MYOM2: variants seen among roughly 807,000 people sequenced by gnomAD.
The protein encoded by MYOM2 is myomesin-2.
A neutral mutation model predicts 187.6 loss-of-function variants in MYOM2; 254 were observed. The observed-to-expected ratio is 1.35, with a 90% confidence interval of 1.22 to 1.50. MYOM2 has a LOEUF of 1.50. MYOM2 is among the 40% of genes most tolerant of loss of function. The pLI is 0.00. For missense variants in MYOM2, 2,796 were observed against 1,924.0 expected (o/e 1.45, Z -8.48); for synonymous variants, 981 against 753.8 (o/e 1.30, Z -4.94).
In MYOM2 at chr8:2,092,527, C is replaced by A. The variant is rs762705776; in HGVS notation, c.2003+7C>A. 4 of 1,613,158 alleles carry A rather than the reference C, an allele frequency of 2.5e-6. No individual in the cohort carries two copies. Among genetic ancestry groups the A allele is most frequent in the East Asian group, 2.2e-5 (1 of 44,840 alleles). On this transcript the variant is annotated splice_region_variant and intron_variant, in intron 16 of 36. Coordinates refer to ENST00000262113, the MANE Select transcript of MYOM2 (RefSeq NM_003970.4). ...AGCCCATCGGATACAACAGGTGCGG[C>A]CTCCCTCCCCAGCCCTGGAGTCAGC...
At position 2,100,957 on chromosome 8, in the gene MYOM2, G is replaced by A; in HGVS notation, c.2522G>A (p.Ser841Asn). 1 of 1,614,202 alleles carries A rather than the reference G, an allele frequency of 6.2e-7. No homozygotes were observed. The highest frequency in any genetic ancestry group is 8.5e-7 in the Non-Finnish European group (1 of 1,180,026). The change falls in exon 20 of 37, where the codon AGC becomes AAC. Residue 841 changes from serine to asparagine, a missense_variant. Transcript: ENST00000262113. ...TGGAAGGCCCCTGTGTACTCCGGCAGCAGCCCTGTTTCTGGATATTTCGTG... is the reference window on the plus strand; with the variant it reads ...TGGAAGGCCCCTGTGTACTCCGGCAACAGCCCTGTTTCTGGATATTTCGTG... ...MLWKAPVYSG[S>N]SPVSGYFVDF...
rs138477258 is a variant in MYOM2 at position 2,078,660 on chromosome 8, T to C, written c.1263-74T>C. Reference sequence around the variant, plus strand: ...CTGTTATAATCAGTGTGTGCATATATGCATATACCTATGTATATTTAGTAG... The same window carrying C: ...CTGTTATAATCAGTGTGTGCATATACGCATATACCTATGTATATTTAGTAG... On this transcript the variant is annotated intron_variant, in intron 11 of 36. Coordinates refer to ENST00000262113, the MANE Select transcript of MYOM2 (RefSeq NM_003970.4). The C allele has an allele frequency of 9.1e-4, 1,225 of 1,347,106 alleles. 11 individuals carry two copies. The African/African-American group carries it at 0.015, about 16-fold the overall frequency. The allele number at this position is 1,347,106 out of a possible 1,614,324, so 83.4% of individuals were successfully genotyped here.
rs1418382437 is a variant in MYOM2, at chr8:2,050,776, G to T, written c.10G>T (p.Val4Leu). Residue 4 changes from valine (V) to leucine (L), a missense_variant, in exon 2 of 37, where the codon GTG becomes TTG. By Grantham distance (32) the Val-to-Leu change is conservative. Coordinates refer to ENST00000262113, the MANE Select transcript of MYOM2 (RefSeq NM_003970.4). MSL[V>L]TVPFYQKRHR... ...GTAGGAGCACGCCAAGATGTCCCTT[G>T]TGACTGTCCCCTTCTACCAGAAGAG... 6.2e-7 allele frequency: 1 copy of T among 1,611,958 alleles called. No homozygotes were observed. Among genetic ancestry groups the T allele is most frequent in the East Asian group, 2.2e-5 (1 of 44,792 alleles).
chr8:2,091,876 C>A (rs1329512552), intron 15 of MYOM2, among the ~76,000 whole-genome samples: 1 of 152,220 alleles, frequency 6.6e-6, no homozygotes, highest in African/African-American at 2.4e-5. Context: ...GTCCGCAGTC[C>A]ACTAGTGGGG....
chr8:2,110,264 A>C lies in MYOM2; in HGVS notation c.3180+733A>C, dbSNP rs909108042. Among the ~76,000 whole-genome samples the C allele has an allele frequency of 5.5e-4, 83 of 152,212 alleles. 1 individual carries two copies. The highest frequency in any genetic ancestry group is 1.0e-4 in the Non-Finnish European group (7 of 68,038). On this transcript the variant is annotated intron_variant, in intron 25 of 36. Coordinates refer to ENST00000262113, the MANE Select transcript of MYOM2 (RefSeq NM_003970.4). ...CTGGAGCCTGAGAGGTCCGAGCTGC[A>C]GTGAGTTATGATTGAACTACTGCAC... is the stretch of plus-strand genomic sequence containing the variant.
chr8:2,103,419 G>A (rs58174633), intron 21 of MYOM2, among the ~76,000 whole-genome samples: 10,601 of 150,800 alleles, frequency 0.07, 895 homozygotes, highest in African/African-American at 0.23. Context: ...GTGTATGTAT[G>A]TATAGGTATA....
At chr8:2,103,937 A>T (rs1796806706) in intron 21 of MYOM2, among the ~76,000 whole-genome samples, 1 of 152,198 alleles carries the variant, frequency 6.6e-6, no homozygotes, top group African/African-American at 2.4e-5. Flanking sequence ...CGGATAAATG[A>T]ACGGATGTCT....
At chr8:2,086,823 A>G (rs770925847) in intron 14 of MYOM2, among the ~76,000 whole-genome samples, 2 of 152,066 alleles carry the variant, frequency 1.3e-5, no homozygotes, top group East Asian at 1.9e-4. Flanking sequence ...GGGATTCCAG[A>G]TTCCTCGATG....
At chr8:2,052,453 A>T in intron 3 of MYOM2, 140 bp downstream of exon 3, 1 of 887,030 alleles carries the variant, frequency 1.1e-6, no homozygotes, top group South Asian at 2.2e-5. Flanking sequence ...GAGAGGGAGA[A>T]TGCTGCTGTT....
At chr8:2,134,550 G>C (rs572620673) in intron 32 of MYOM2, among the ~76,000 whole-genome samples, 84 of 146,630 alleles carry the variant, frequency 5.7e-4, no homozygotes, top group African/African-American at 2.1e-3. Context: ...AGTGAATCTG[G>C]CCTTCAGCAC....
In MYOM2 at chr8:2,090,060, G is replaced by C. The variant is rs369434778; in HGVS notation, c.1697G>C (p.Arg566Thr). The change falls in exon 15 of 37, where the codon AGA (arginine) becomes ACA (threonine). Residue 566 changes from arginine to threonine, a missense_variant. Transcript: ENST00000262113. Reference protein sequence around the residue: ...WQRVNAQTAVRSPRYAVFDLM... With the variant: ...WQRVNAQTAVTSPRYAVFDLM... ...AGAGTCAACGCCCAGACGGCTGTGA[G>C]ATCCCCGAGATATGCCGTGTTTGAC... 9.9e-6 allele frequency: 16 copies of C among 1,614,012 alleles called. No homozygotes were observed. Among genetic ancestry groups the C allele is most frequent in the Non-Finnish European group, 1.4e-5 (16 of 1,180,020 alleles).
In MYOM2 at chr8:2,144,885, C is replaced by T. The variant is rs142248148; in HGVS notation, c.4302C>T (p.Ser1434=). Residue 1434 remains serine, a synonymous_variant, in exon 37 of 37, where the codon AGC becomes AGT. Coordinates refer to ENST00000262113, the MANE Select transcript of MYOM2 (RefSeq NM_003970.4). ...YGGEKIDVTV[S]VYKHGEKIPD... ...GGGAGAAGATCGACGTGACAGTGAG[C>T]GTGTACAAACACGGGGAGAAGATCC... is the stretch of plus-strand genomic sequence containing the variant. 1.7e-5 allele frequency: 28 copies of T among 1,613,968 alleles called. No individual in the cohort carries two copies. The highest frequency in any genetic ancestry group is 8.3e-5 in the Admixed American group (5 of 59,988).
chr8:2,092,161 A>T (rs945277942), intron 15 of MYOM2, among the ~76,000 whole-genome samples, 185 bp from the exon 16 acceptor site: 1 of 150,972 alleles, frequency 6.6e-6, no homozygotes, highest in African/African-American at 2.4e-5. Flanking sequence ...AGAGACCAGC[A>T]CCTCCCAATG....
Position 2,129,168 on chromosome 8 carries a change from G to C in MYOM2, c.3736G>C (p.Gly1246Arg). Reference sequence around the variant, plus strand: ...ACTGAAGGTACTCTGCACCCCAGAAGGAATACGACTTCAGTGTTTCATGAA... The same window carrying C: ...ACTGAAGGTACTCTGCACCCCAGAACGAATACGACTTCAGTGTTTCATGAA... Reference protein sequence around the residue: ...SPLKVLCTPEGIRLQCFMKYF... With the variant: ...SPLKVLCTPERIRLQCFMKYF... The change falls in exon 32 of 37, where the codon GGA (glycine) becomes CGA (arginine). Residue 1246 changes from glycine (G) to arginine (R), a missense_variant. By Grantham distance (125) the Gly-to-Arg change is moderately radical. Coordinates refer to ENST00000262113, the MANE Select transcript of MYOM2 (RefSeq NM_003970.4). 1.2e-6 allele frequency: 2 copies of C among 1,612,060 alleles called. No homozygotes were observed. Among genetic ancestry groups the C allele is most frequent in the Non-Finnish European group, 1.7e-6 (2 of 1,178,250 alleles).
intron 23 of MYOM2, among the ~76,000 whole-genome samples, chr8:2,107,592 T>C (rs6988144): frequency 0.65 from 97,986 of 151,858 alleles, 32,193 homozygotes; most frequent in East Asian, 0.77. Flanking sequence ...GTGTGCAGGT[T>C]TGGCTCAATG....
chr8:2,115,178 AAAAC>A (rs1372158859), intron 25 of MYOM2, among the ~76,000 whole-genome samples: 2 of 151,880 alleles, frequency 1.3e-5, no homozygotes, highest in Admixed American at 6.6e-5. Context: ...AAAAAAACAA[AAAAC>A]AAACAAACAA....
chr8:2,085,452 C>A, intron 14 of MYOM2, 62 bp downstream of exon 14: 5 of 1,573,554 alleles, frequency 3.2e-6, no homozygotes, highest in Non-Finnish European at 4.3e-6. Flanking sequence ...CTGTCATGAT[C>A]TCTGCGTGGC....
chr8:2,131,725 G>T (rs1337916269), intron 32 of MYOM2, among the ~76,000 whole-genome samples: 1 of 147,266 alleles, frequency 6.8e-6, no homozygotes, highest in East Asian at 2.0e-4. Flanking sequence ...CTCACTGCAA[G>T]CTCAGCCTCC....
intron 15 of MYOM2, among the ~76,000 whole-genome samples, chr8:2,090,587 C>G (rs1035816494): frequency 6.6e-6 from 1 of 152,156 alleles, no homozygotes; most frequent in African/African-American, 2.4e-5. Flanking sequence ...AGCCTAGTAG[C>G]CATTAGTGAC....
Sources: allele counts gnomAD v4.1 joint callset (sites outside exome capture counted in the v4.1 genomes callset), GRCh38; gene constraint gnomAD v4.1.1; transcripts MANE v1.5; gene names NCBI Gene and HGNC (gene_info 2026-07-23, HGNC 2026-07-21).